The following FRMPD4 variants were observed in gnomAD, a reference collection of about 807,000 sequenced individuals.
FRMPD4 encodes the protein FERM and PDZ domain-containing protein 4.
In FRMPD4, 22 loss-of-function variants were observed where a neutral mutation model predicts 94.1. The observed-to-expected ratio is 0.23, with a 90% CI of 0.17 to 0.33. The LOEUF (loss-of-function observed/expected upper bound fraction) is 0.33. FRMPD4 is among the 10% of genes least tolerant of loss of function. The probability of loss-of-function intolerance (pLI) is 1.00; values close to 1 mark genes in which losing one functional copy is unlikely to be tolerated. For synonymous variants in FRMPD4, 631 were observed against 548.6 expected, an observed-to-expected ratio of 1.15 and a Z score of -2.10; for missense variants, 1,111 against 1,339.9, an observed-to-expected ratio of 0.83 and a Z score of 2.67.
intron 3 of FRMPD4, among the ~76,000 whole-genome samples, chrX:11,953,171 C>T (rs184899941): frequency 2.7e-5 from 3 of 112,196 alleles, no homozygotes; most frequent in African/African-American, 9.7e-5. Context: ...GACTTACCCT[C>T]TCCTACCTAC....
intron 3 of FRMPD4, among the ~76,000 whole-genome samples, chrX:12,040,553 C>CTTTTTTT (rs760980082): frequency 3.4e-5 from 2 of 58,887 alleles, no homozygotes; most frequent in Admixed American, 2.5e-4. Flanking sequence ...TTATGTCTGC[C>CTTTTTTT]TTTTTTTTTT....
At chrX:12,162,814 C>T (rs774049702) in intron 1 of FRMPD4, among the ~76,000 whole-genome samples, 30 of 111,421 alleles carry the variant, frequency 2.7e-4, no homozygotes, top group African/African-American at 9.5e-4. Flanking sequence ...TCTTTAATGG[C>T]CAAACATACA....
At chrX:11,960,609 C>A (rs2054278924) in intron 3 of FRMPD4, among the ~76,000 whole-genome samples, 2 of 111,980 alleles carry the variant, frequency 1.8e-5, no homozygotes, top group African/African-American at 6.5e-5. Context: ...GCCATATCTC[C>A]TTATGGATTT....
At chrX:12,632,883 C>T (rs2059408501) in intron 4 of FRMPD4, among the ~76,000 whole-genome samples, 1 of 112,394 alleles carries the variant, frequency 8.9e-6, no homozygotes, top group East Asian at 2.8e-4. Context: ...GGATTTTGTA[C>T]TCCCTTGCCA....
At chrX:12,028,133 C>G (rs781691336) in intron 3 of FRMPD4, among the ~76,000 whole-genome samples, 1 of 111,895 alleles carries the variant, frequency 8.9e-6, no homozygotes, top group South Asian at 3.8e-4. Context: ...GTCAGCCAGG[C>G]TGAGTCCACT....
chrX:11,906,552 C>T (rs1297365220), intron 3 of FRMPD4, among the ~76,000 whole-genome samples: 2 of 111,612 alleles, frequency 1.8e-5, no homozygotes, highest in Non-Finnish European at 3.8e-5. Context: ...TCACTGCCAT[C>T]TAGCCTCCAT....
chrX:12,681,437 T>C (rs1316583424), intron 5 of FRMPD4, among the ~76,000 whole-genome samples: 5 of 112,549 alleles, frequency 4.4e-5, no homozygotes, highest in East Asian at 2.8e-4. Context: ...AGCAGGACTT[T>C]TAAAAGTCAC....
At chrX:12,140,122 T>C in intron 1 of FRMPD4, among the ~76,000 whole-genome samples, 1 of 112,210 alleles carries the variant, frequency 8.9e-6, no homozygotes, top group Non-Finnish European at 1.9e-5. Context: ...AGGTTCTGTT[T>C]GGATGTTGCC....
intron 4 of FRMPD4, among the ~76,000 whole-genome samples, chrX:12,650,979 C>A (rs1324683148): frequency 8.9e-6 from 1 of 112,874 alleles, no homozygotes; most frequent in Admixed American, 9.3e-5. Flanking sequence ...TCCCTTAGAG[C>A]ATGCAGTATC....
intron 1 of FRMPD4, among the ~76,000 whole-genome samples, chrX:11,828,771 G>T (rs1392508319): frequency 8.9e-6 from 1 of 112,369 alleles, no homozygotes; most frequent in East Asian, 2.8e-4. Flanking sequence ...TGGATATGAA[G>T]AAAAGAATCT....
intron 1 of FRMPD4, among the ~76,000 whole-genome samples, chrX:12,484,022 TATA>T (rs759517417): frequency 3.6e-5 from 4 of 111,487 alleles, no homozygotes; most frequent in Non-Finnish European, 7.5e-5. Context: ...GCAGGGCTGG[TATA>T]ATGACAGTAA....
At position 12,419,123 on chromosome X, in the gene FRMPD4, G is replaced by T. The variant is rs754330128; in HGVS notation, c.42-79557G>T. Among the ~76,000 whole-genome samples, 10 of 111,636 alleles carry T rather than the reference G, an allele frequency of 9.0e-5. No homozygotes were observed. In the East Asian group the frequency reaches 1.7e-3, roughly 19 times the overall value. ...TCCTCCTGTATCATGATACTATCTT[G>T]CAGGGAAAGTAGAATCTACTGGATG... On this transcript the variant is annotated intron_variant, in intron 1 of 16. Transcript: ENST00000675598.
intron 3 of FRMPD4, among the ~76,000 whole-genome samples, chrX:12,029,176 A>G (rs1341671101): frequency 8.9e-6 from 1 of 112,048 alleles, no homozygotes; most frequent in East Asian, 2.8e-4. Context: ...TGGTCAGTCT[A>G]ATAGGTGTGT....
chrX:11,881,229 G>T lies in FRMPD4; in HGVS notation c.95+3211G>T, dbSNP rs2053812196. On this transcript the variant is annotated intron_variant, in intron 3 of 18. Transcript: ENST00000640291. ...TTGGCAAAATAGTACAGTCACTTTG[G>T]AGACAGTTTGGCAGTTTCTCATAAA... is the stretch of plus-strand genomic sequence containing the variant. Among the ~76,000 whole-genome samples, 3 of 111,881 alleles carry T rather than the reference G, an allele frequency of 2.7e-5. No individual in the cohort carries two copies. The Admixed American group carries it at 2.8e-4, about 11-fold the overall frequency.
At chrX:12,469,150 T>G (rs1359906465) in intron 1 of FRMPD4, among the ~76,000 whole-genome samples, 2 of 112,203 alleles carry the variant, frequency 1.8e-5, no homozygotes, top group African/African-American at 6.5e-5. Context: ...AAATATAAAA[T>G]TTCGATCATC....
chrX:12,658,633 G>A (rs1407664214), intron 4 of FRMPD4, among the ~76,000 whole-genome samples: 1 of 110,905 alleles, frequency 9.0e-6, no homozygotes, highest in African/African-American at 3.3e-5. Context: ...TGTCTGTTTT[G>A]TTCATCCATG....
intron 3 of FRMPD4, among the ~76,000 whole-genome samples, chrX:11,954,842 T>C (rs974572095): frequency 9.1e-6 from 1 of 110,328 alleles, no homozygotes. Context: ...GTTGGTGTCC[T>C]TGGGGGCTTT....
intron 3 of FRMPD4, among the ~76,000 whole-genome samples, chrX:11,972,544 T>C (rs5933943): frequency 0.012 from 1,346 of 112,271 alleles, 5 homozygotes; most frequent in South Asian, 0.018. Flanking sequence ...CAGGATAGTG[T>C]AGTATTTTGA....
chrX:12,631,191 G>A (rs754582886), intron 4 of FRMPD4, among the ~76,000 whole-genome samples: 11 of 111,550 alleles, frequency 9.9e-5, no homozygotes, highest in Non-Finnish European at 1.9e-4. Flanking sequence ...AGGCAGTGCA[G>A]GGAGCAGTTT....
Sources: allele counts gnomAD v4.1 joint callset (sites outside exome capture counted in the v4.1 genomes callset), GRCh38; gene constraint gnomAD v4.1.1; transcripts MANE v1.5; gene names NCBI Gene and HGNC (gene_info 2026-07-23, HGNC 2026-07-21).